SLC5A4: variants seen among roughly 807,000 people sequenced by gnomAD.
SLC5A4 encodes solute carrier family 5 member 4, also known as probable glucose sensor protein SLC5A4.
A neutral mutation model predicts 70.3 loss-of-function variants in SLC5A4; 55 were observed. That is an observed-to-expected ratio of 0.78 (90% CI 0.63 to 0.98). The LOEUF is 0.98. Among genes scored for constraint, SLC5A4 ranks in the 50% least tolerant of loss-of-function variants. The pLI, the probability that SLC5A4 is intolerant of heterozygous loss-of-function variation, is 0.00. For synonymous variants in SLC5A4, 268 were observed against 305.7 expected (o/e 0.88, Z 1.29); for missense variants, 735 against 839.2 (o/e 0.88, Z 1.53).
chr22:32,331,991 G>A, the SLC5A4 span, among the ~76,000 whole-genome samples: 1 of 152,060 alleles, frequency 6.6e-6, no homozygotes, highest in Non-Finnish European at 1.5e-5. Context: ...GCTCAGCCCA[G>A]GGGCCCAGAC....
At chr22:32,332,804 C>T in the SLC5A4 span, among the ~76,000 whole-genome samples, 2 of 152,214 alleles carry the variant, frequency 1.3e-5, no homozygotes, top group African/African-American at 4.8e-5. Flanking sequence ...TTTGATGCCA[C>T]TGCTTTAACG....
Position 32,221,034 on chromosome 22 carries a change from C to T in SLC5A4, c.1666-12G>A. ...CACAGGCGGTACAGCTGAACAGGGA[C>T]CATACAAAAGTGCATTAGTAATAGG... On this transcript the variant is annotated splice_polypyrimidine_tract_variant and intron_variant, in intron 13 of 14. Transcript: ENST00000266086. 1 of 1,586,752 alleles carries T rather than the reference C, an allele frequency of 6.3e-7. No individual in the cohort carries two copies. The highest frequency in any genetic ancestry group is 8.7e-7 in the Non-Finnish European group (1 of 1,155,476).
At chr22:32,326,317 C>A in the SLC5A4 span, among the ~76,000 whole-genome samples, 1 of 148,334 alleles carries the variant, frequency 6.7e-6, no homozygotes, top group Non-Finnish European at 1.5e-5. Flanking sequence ...CAGGCAATGG[C>A]ACGATCTTGG....
chr22:32,236,885 T>C (rs1314339393), intron 7 of SLC5A4, among the ~76,000 whole-genome samples: 1 of 152,034 alleles, frequency 6.6e-6, no homozygotes, highest in Non-Finnish European at 1.5e-5. Flanking sequence ...TTTATATTTT[T>C]AGTAGAGACG....
the SLC5A4 span, among the ~76,000 whole-genome samples, chr22:32,293,527 C>G: frequency 6.6e-6 from 1 of 152,030 alleles, no homozygotes; most frequent in South Asian, 2.1e-4. Context: ...TTTGGTATTC[C>G]TGGACAATCC....
chr22:32,284,094 G>A, the SLC5A4 span, among the ~76,000 whole-genome samples: 1 of 152,132 alleles, frequency 6.6e-6, no homozygotes, highest in Non-Finnish European at 1.5e-5. Context: ...AATTGCATAA[G>A]TATCCAGAAT....
chr22:32,318,774 G>C, the SLC5A4 span, among the ~76,000 whole-genome samples: 2 of 152,132 alleles, frequency 1.3e-5, no homozygotes, highest in Non-Finnish European at 2.9e-5. Context: ...GTGGCTCCCA[G>C]ATTCACTAAG....
the SLC5A4 span, among the ~76,000 whole-genome samples, chr22:32,307,213 C>A: frequency 2.0e-5 from 3 of 152,128 alleles, no homozygotes; most frequent in Non-Finnish European, 1.5e-5. Context: ...CTGTTAAGGG[C>A]AAATCTGTCA....
the SLC5A4 span, among the ~76,000 whole-genome samples, chr22:32,343,965 G>C: frequency 2.6e-5 from 4 of 152,068 alleles, no homozygotes; most frequent in Non-Finnish European, 5.9e-5. Flanking sequence ...TGTAGGCTTC[G>C]AACAGTTGTA....
the SLC5A4 span, chr22:32,271,161 G>C: frequency 2.9e-6 from 2 of 683,456 alleles, no homozygotes; most frequent in Non-Finnish European, 5.4e-6. Context: ...GGTGCCTGCT[G>C]TTGCAGGAGA....
chr22:32,285,517 C>T, the SLC5A4 span, among the ~76,000 whole-genome samples: 1 of 152,068 alleles, frequency 6.6e-6, no homozygotes, highest in Non-Finnish European at 1.5e-5. Context: ...ATTGACTTTA[C>T]ATCATCTTTT....
chr22:32,329,818 T>G, the SLC5A4 span, among the ~76,000 whole-genome samples: 5 of 47,734 alleles, frequency 1.0e-4, no homozygotes, highest in African/African-American at 1.1e-4. Flanking sequence ...GAGGCTCTGG[T>G]GTGTGTGTTG....
the SLC5A4 span, among the ~76,000 whole-genome samples, chr22:32,323,157 C>A: frequency 6.6e-6 from 1 of 152,198 alleles, no homozygotes; most frequent in Non-Finnish European, 1.5e-5. Flanking sequence ...CTCGAGACAA[C>A]AGCTTACAGC....
At chr22:32,341,614 C>T in the SLC5A4 span, among the ~76,000 whole-genome samples, 1 of 152,206 alleles carries the variant, frequency 6.6e-6, no homozygotes, top group Non-Finnish European at 1.5e-5. Flanking sequence ...GGCTCACGGA[C>T]GTGACGCCGG....
chr22:32,330,534 TGGG>T, the SLC5A4 span, among the ~76,000 whole-genome samples: 1 of 96,842 alleles, frequency 1.0e-5, no homozygotes, highest in Non-Finnish European at 2.0e-5. Context: ...GTGTCTGTGT[TGGG>T]GGCTCTGGTG....
chr22:32,334,657 C>T, the SLC5A4 span, among the ~76,000 whole-genome samples: 2 of 152,194 alleles, frequency 1.3e-5, no homozygotes, highest in Non-Finnish European at 2.9e-5. Context: ...GACAACCCTG[C>T]AGACTGGAGT....
chr22:32,270,819 C>T, the SLC5A4 span: 3 of 589,590 alleles, frequency 5.1e-6, no homozygotes, highest in East Asian at 7.2e-5. Context: ...TGCTGAAAAG[C>T]ACACTCCTAT....
intron 5 of SLC5A4, among the ~76,000 whole-genome samples, chr22:32,239,671 AATTT>A (rs1237866515): frequency 7.2e-6 from 1 of 138,926 alleles, no homozygotes; most frequent in African/African-American, 2.6e-5. Flanking sequence ...TGTACTATAA[AATTT>A]ATTAAGGGCA....
chr22:32,228,506 C>T (rs1200147277), intron 11 of SLC5A4, among the ~76,000 whole-genome samples: 1 of 151,040 alleles, frequency 6.6e-6, no homozygotes, highest in Non-Finnish European at 1.5e-5. Context: ...CATGCCATTG[C>T]ACTCCAGCCT....
Sources: allele counts gnomAD v4.1 joint callset (sites outside exome capture counted in the v4.1 genomes callset), GRCh38; gene constraint gnomAD v4.1.1; transcripts MANE v1.5; gene names NCBI Gene and HGNC (gene_info 2026-07-23, HGNC 2026-07-21).